AKAP3: variants seen among roughly 807,000 people sequenced by gnomAD.
AKAP3 encodes the protein A-kinase anchor protein 3.
A neutral mutation model predicts 57.2 loss-of-function variants in AKAP3; 27 were observed. The observed-to-expected ratio is 0.47, with a 90% CI of 0.35 to 0.65. AKAP3 has a LOEUF of 0.65. AKAP3 is among the 30% of genes least tolerant of loss of function. The pLI is 0.01. For synonymous variants in AKAP3, 334 were observed against 392.3 expected (o/e 0.85, Z 1.76); for missense variants, 959 against 1,040.0 (o/e 0.92, Z 1.07).
chr12:4,641,078 T>C (rs1945631914), intron 3 of AKAP3, among the ~76,000 whole-genome samples: 1 of 138,062 alleles, frequency 7.2e-6, no homozygotes, highest in East Asian at 2.1e-4. Context: ...TTTTTTTTTT[T>C]TTTTTTTTTT....
chr12:4,635,515 TAATAAACTA>T, intron 4 of AKAP3: 1 of 680,456 alleles, frequency 1.5e-6, no homozygotes, highest in South Asian at 1.6e-5. Context: ...TCTTCATGAA[TAATAAACTA>T]TTGTCATCTG....
chr12:4,617,868 G>C (rs1945304931), intron 5 of AKAP3, among the ~76,000 whole-genome samples: 1 of 152,034 alleles, frequency 6.6e-6, no homozygotes, highest in East Asian at 1.9e-4. Flanking sequence ...AAGGATAAAG[G>C]AACCTTATAT....
intron 3 of AKAP3, among the ~76,000 whole-genome samples, chr12:4,640,558 T>A (rs79181739): frequency 1.3e-5 from 2 of 152,214 alleles, no homozygotes; most frequent in Non-Finnish European, 2.9e-5. Context: ...GAAACTTATA[T>A]AAGTGGATAT....
chr12:4,627,835 G>T lies in AKAP3; in HGVS notation c.1067C>A (p.Ser356Ter). 6.2e-7 allele frequency: 1 copy of T among 1,614,106 alleles called. No homozygotes were observed. The highest frequency in any genetic ancestry group is 1.6e-4 in the Middle Eastern group (1 of 6,062). Residue 356 changes from serine to a stop codon, truncating the protein, a stop_gained, in exon 5 of 6, where the codon TCG (serine) becomes TAG (stop). Transcript: ENST00000228850. LOFTEE classifies it high-confidence loss of function. Reference sequence around the variant, plus strand: ...AGAGAAGACAGTTCTTTTCACAGCCGAGACAAACTGTGTGTCAGTCATGAG... The same window carrying T: ...AGAGAAGACAGTTCTTTTCACAGCCTAGACAAACTGTGTGTCAGTCATGAG... ...GTLMTDTQFVSAVKRTVFSHG... is the reference protein window; with the variant it reads ...GTLMTDTQFV
At chr12:4,638,921 A>G (rs1310382379) in intron 3 of AKAP3, among the ~76,000 whole-genome samples, 1 of 152,136 alleles carries the variant, frequency 6.6e-6, no homozygotes, top group Non-Finnish European at 1.5e-5. Context: ...TAATGGCACC[A>G]CCATTTACCT....
intron 4 of AKAP3, among the ~76,000 whole-genome samples, chr12:4,636,328 G>A (rs1450663546): frequency 1.3e-5 from 2 of 152,226 alleles, no homozygotes; most frequent in African/African-American, 2.4e-5. Context: ...TGTCTATGGC[G>A]GTGGTGGTGG....
In AKAP3 at chr12:4,615,876, C is replaced by T. The variant is rs1183207342; in HGVS notation, c.2425G>A (p.Ala809Thr). ...ACACTGCATCCTTTGTCCACAGCAG[C>T]AGCTGAGAGCTGAAGTAGCTGTGAA... ...IQEKLLQLSA[A>T]AVDKGCSVGE... is the part of the protein sequence containing the mutation. The change falls in exon 6 of 6, where the codon GCT becomes ACT. Residue 809 changes from alanine (A) to threonine (T), a missense_variant. By Grantham distance (58) the Ala-to-Thr change is moderately conservative. Transcript: ENST00000228850. The T allele has an allele frequency of 1.9e-6, 3 of 1,614,086 alleles. No homozygotes were observed. Among genetic ancestry groups the T allele is most frequent in the Admixed American group, 3.3e-5 (2 of 60,002 alleles).
At position 4,648,208 on chromosome 12, in the gene AKAP3, C is replaced by T. The variant is rs530042627; in HGVS notation, c.-245+537G>A. On this transcript the variant is annotated intron_variant, in intron 1 of 5. Transcript: ENST00000228850. ...GAACAATGCAGATTCTCAAAGGTGA[C>T]CACAGTTAAAGAAAAAATTACAAGC... Among the ~76,000 whole-genome samples the T allele has an allele frequency of 1.2e-3, 182 of 152,262 alleles. 1 individual carries two copies. The highest frequency in any genetic ancestry group is 4.1e-3 in the African/African-American group (171 of 41,532).
rs1469618937 is a variant in AKAP3 at position 4,626,893 on chromosome 12, A to G, written c.2009T>C (p.Val670Ala). Residue 670 changes from valine (V) to alanine (A), a missense_variant, in exon 5 of 6, where the codon GTA (valine) becomes GCA (alanine). Val to Ala is a moderately conservative substitution (Grantham distance 64). Transcript: ENST00000228850. ...CATCACTGAGTTCATCAGATGTTCT[A>G]CCATCTGCCCACTCATGTGGCCATC... ...QIDGHMSGQM[V>A]EHLMNSVMKL... 6.2e-7 allele frequency: 1 copy of G among 1,614,142 alleles called. No individual in the cohort carries two copies. Among genetic ancestry groups the G allele is most frequent in the East Asian group, 2.2e-5 (1 of 44,880 alleles).
At chr12:4,633,105 C>A (rs183732472) in intron 4 of AKAP3, among the ~76,000 whole-genome samples, 1 of 147,764 alleles carries the variant, frequency 6.8e-6, no homozygotes, top group Non-Finnish European at 1.5e-5. Context: ...TATTCTTTTA[C>A]CCTTTTCAAT....
chr12:4,630,038 T>A (rs1716012122), intron 4 of AKAP3, among the ~76,000 whole-genome samples: 1 of 152,166 alleles, frequency 6.6e-6, no homozygotes. Context: ...CAGGATAAAA[T>A]AACATAATAT....
intron 1 of AKAP3, among the ~76,000 whole-genome samples, chr12:4,648,227 T>C (rs4147667): frequency 0.34 from 51,288 of 152,006 alleles, 8,968 homozygotes; most frequent in Middle Eastern, 0.41. Flanking sequence ...AAGAAAAAAT[T>C]ACAAGCCATT....
intron 5 of AKAP3, among the ~76,000 whole-genome samples, chr12:4,618,288 C>T (rs534905454): frequency 2.6e-5 from 4 of 152,214 alleles, no homozygotes; most frequent in African/African-American, 9.6e-5. Context: ...ATGAAAATGC[C>T]AATCAAAAGA....
At chr12:4,620,145 A>G (rs1945328799) in intron 5 of AKAP3, among the ~76,000 whole-genome samples, 1 of 152,244 alleles carries the variant, frequency 6.6e-6, no homozygotes. Context: ...ACAAGAGTAG[A>G]TGGACAATTC....
At position 4,625,302 on chromosome 12, in the gene AKAP3, C is replaced by G. The variant is rs1048828232; in HGVS notation, c.2406+1194G>C. On this transcript the variant is annotated intron_variant, in intron 5 of 5. Coordinates refer to ENST00000228850, the MANE Select transcript of AKAP3 (RefSeq NM_001278309.2). The surrounding 1 kb of genome is among the most constrained non-coding windows in gnomAD (Gnocchi z 5.4). ...CTGGAGGGAAGTGTGAGATTCTGCA[C>G]TTCTAAAAAGCTCCCAGGTGATGCC... Among the ~76,000 whole-genome samples the G allele has an allele frequency of 2.6e-5, 4 of 152,168 alleles. No individual in the cohort carries two copies. Among genetic ancestry groups the G allele is most frequent in the African/African-American group, 9.7e-5 (4 of 41,440 alleles).
intron 5 of AKAP3, among the ~76,000 whole-genome samples, chr12:4,624,764 G>A (rs1945388712): frequency 9.1e-6 from 1 of 109,884 alleles, no homozygotes; most frequent in South Asian, 2.9e-4. Context: ...CTCTTAGAGG[G>A]AGTCAATAAA....
rs770500152 is a variant in AKAP3, at chr12:4,628,456, C to G, written c.446G>C (p.Gly149Ala). 1.9e-6 allele frequency: 3 copies of G among 1,614,178 alleles called. No homozygotes were observed. Among genetic ancestry groups the G allele is most frequent in the Non-Finnish European group, 2.5e-6 (3 of 1,180,026 alleles). ...ARKEINEKID[G>A]SENKCVYQSL... The stretch of plus-strand genomic sequence containing the variant: ...CTGATAGACACATTTGTTTTCAGAG[C>G]CATCGATCTTCTCATTGATCTCTTT... The change falls in exon 5 of 6, where the codon GGC (glycine) becomes GCC (alanine). Residue 149 changes from glycine to alanine, a missense_variant. Transcript: ENST00000228850.
chr12:4,626,907 CAT>C lies in AKAP3; in HGVS notation c.1993_1994del (p.Met665GlufsTer21), dbSNP rs777937333. ...KMAVSQIDGH[M>X]SGQMVEHLMN... Reference sequence around the variant, plus strand: ...TCAGATGTTCTACCATCTGCCCACTCATGTGGCCATCTATCTGGCTGACAGCC... The same window carrying C: ...TCAGATGTTCTACCATCTGCCCACTCGTGGCCATCTATCTGGCTGACAGCC... On this transcript the variant is annotated frameshift_variant, in exon 5 of 6. Coordinates refer to ENST00000228850, the MANE Select transcript of AKAP3 (RefSeq NM_001278309.2). LOFTEE classifies it high-confidence loss of function. 4 of 1,614,040 alleles carry C rather than the reference CAT, an allele frequency of 2.5e-6. No individual in the cohort carries two copies. Among genetic ancestry groups the C allele is most frequent in the Non-Finnish European group, 3.4e-6 (4 of 1,180,024 alleles).
chr12:4,628,360 T>A lies in AKAP3; in HGVS notation c.542A>T (p.Glu181Val). The stretch of plus-strand genomic sequence containing the variant: ...ATTCCTGGAACATGCAGAGACGGTC[T>A]CATTCACAAGCTCTGATGCTATCTT... ...LSKIASELVNETVSACSRNAA... is the reference protein window; with the variant it reads ...LSKIASELVNVTVSACSRNAA... The change falls in exon 5 of 6, where the codon GAG becomes GTG. Residue 181 changes from glutamate (E) to valine (V), a missense_variant. Transcript: ENST00000228850. 6.2e-7 allele frequency: 1 copy of A among 1,614,194 alleles called. No individual in the cohort carries two copies. The highest frequency in any genetic ancestry group is 8.5e-7 in the Non-Finnish European group (1 of 1,180,022).
Sources: allele counts gnomAD v4.1 joint callset (sites outside exome capture counted in the v4.1 genomes callset), GRCh38; gene constraint gnomAD v4.1.1; non-coding constraint Gnocchi (gnomAD v3.1); transcripts MANE v1.5; gene names NCBI Gene and HGNC (gene_info 2026-07-23, HGNC 2026-07-21).